Variants in TIMP2 observed in about 807,000 individuals in gnomAD.
TIMP2 encodes the protein TIMP metallopeptidase inhibitor 2, also known as metalloproteinase inhibitor 2.
Under a neutral mutation model 24.3 loss-of-function variants are expected in TIMP2, and 5 were observed. That is an observed-to-expected ratio of 0.21 (90% confidence interval 0.11 to 0.43). The LOEUF (loss-of-function observed/expected upper bound fraction) is 0.43. Ranked by LOEUF, TIMP2 falls within the 20% of genes least tolerant of loss-of-function variation. The pLI is 1.00. For missense variants in TIMP2, 221 were observed against 297.5 expected, an observed-to-expected ratio of 0.74 and a Z score of 1.89; for synonymous variants, 130 against 123.2, an observed-to-expected ratio of 1.06 and a Z score of -0.37.
chr17:78,856,194 T>G lies in TIMP2; in HGVS notation c.466-330A>C, dbSNP rs2069523702. 1.2e-5 allele frequency: 4 copies of G among 345,252 alleles called. No individual in the cohort carries two copies. The South Asian group carries it at 1.4e-4, about 12-fold the overall frequency. The allele number at this position is 345,252 out of a possible 1,614,324, so 21.4% of individuals were successfully genotyped here. ...GGGACACAGCAACAATAAAAGGGCCTGGGTTTCCTGGAGACAGATTCCAGC... is the reference window on the plus strand; with the variant it reads ...GGGACACAGCAACAATAAAAGGGCCGGGGTTTCCTGGAGACAGATTCCAGC... On this transcript the variant is annotated intron_variant, in intron 4 of 4. Coordinates refer to ENST00000262768, the MANE Select transcript of TIMP2 (RefSeq NM_003255.5).
intron 1 of TIMP2, among the ~76,000 whole-genome samples, chr17:78,893,068 G>T (rs933224317): frequency 6.6e-6 from 1 of 151,610 alleles, no homozygotes; most frequent in East Asian, 1.9e-4. Context: ...TGTGTGTGCA[G>T]GAGTGTGTGC....
At chr17:78,866,923 T>C (rs1287941712) in intron 3 of TIMP2, among the ~76,000 whole-genome samples, 3 of 152,054 alleles carry the variant, frequency 2.0e-5, no homozygotes, top group African/African-American at 7.2e-5. Context: ...AGGATTTCTT[T>C]TTGACTGTAG....
intron 3 of TIMP2, among the ~76,000 whole-genome samples, chr17:78,868,933 T>C (rs896832120): frequency 6.6e-6 from 1 of 152,076 alleles, no homozygotes; most frequent in Non-Finnish European, 1.5e-5. Context: ...CTGTGGCATG[T>C]AGAGGGTGGG....
chr17:78,864,029 C>T (rs1326081938), intron 3 of TIMP2, among the ~76,000 whole-genome samples: 2 of 152,164 alleles, frequency 1.3e-5, no homozygotes, highest in African/African-American at 4.8e-5. Flanking sequence ...AGCCTTCACT[C>T]GGGCATCTCA....
intron 1 of TIMP2, among the ~76,000 whole-genome samples, chr17:78,917,251 C>CAAAAAAAAAA (rs10592875): frequency 1.4e-4 from 11 of 77,422 alleles, no homozygotes; most frequent in Non-Finnish European, 2.1e-4. Context: ...GACTCCGTCT[C>CAAAAAAAAAA]AAAAAAAAAA....
intron 3 of TIMP2, among the ~76,000 whole-genome samples, chr17:78,867,845 C>G (rs527935616): frequency 8.6e-4 from 130 of 152,032 alleles, no homozygotes; most frequent in African/African-American, 3.1e-3. Context: ...ATGATCTGCC[C>G]GTCTCGGCCT....
chr17:78,858,367 C>T (rs537943279), intron 3 of TIMP2, among the ~76,000 whole-genome samples: 43 of 151,978 alleles, frequency 2.8e-4, no homozygotes, highest in Non-Finnish European at 5.3e-4. Flanking sequence ...GGCGTGAACC[C>T]GGGAGGCGGA....
At chr17:78,888,224 A>G (rs1478208322) in intron 1 of TIMP2, among the ~76,000 whole-genome samples, 1 of 149,478 alleles carries the variant, frequency 6.7e-6, no homozygotes, top group Admixed American at 6.7e-5. Context: ...CAGTGGCGCA[A>G]TCTTGGCTCA....
intron 1 of TIMP2, among the ~76,000 whole-genome samples, chr17:78,887,738 A>G (rs1428972735): frequency 1.3e-4 from 12 of 90,822 alleles, no homozygotes; most frequent in African/African-American, 9.7e-4. Flanking sequence ...TTTCTGGGGA[A>G]AAAAAAAAAA....
intron 1 of TIMP2, among the ~76,000 whole-genome samples, chr17:78,882,394 T>G (rs114253899): frequency 0.017 from 2,534 of 152,324 alleles, 75 homozygotes; most frequent in African/African-American, 0.058. Context: ...CCACTTCTGG[T>G]GTCTACACCC....
rs78976834 is a variant in TIMP2 at position 78,885,164 on chromosome 17, C to G, written c.131-11245G>C. On this transcript the variant is annotated intron_variant, in intron 1 of 4. Coordinates refer to ENST00000262768, the MANE Select transcript of TIMP2 (RefSeq NM_003255.5). ...CCACTGCTCAGCCACGGAGGCCTTC[C>G]TGGGTCCCTGTGGTTTGGGGAGAAG... 2.1e-3 allele frequency among the ~76,000 whole-genome samples: 316 copies of G among 152,356 alleles called. 6 individuals are homozygous for G. In the East Asian group the frequency reaches 0.051, roughly 25 times the overall value.
At chr17:78,900,147 GA>G (rs1199915982) in intron 1 of TIMP2, 1 of 152,238 alleles carries the variant, frequency 6.6e-6, no homozygotes, top group East Asian at 1.9e-4. Context: ...AGTGACCCCA[GA>G]ATGCAATTTG....
At chr17:78,867,474 C>T (rs1187437455) in intron 3 of TIMP2, among the ~76,000 whole-genome samples, 1 of 152,100 alleles carries the variant, frequency 6.6e-6, no homozygotes, top group Middle Eastern at 3.2e-3. Context: ...ACTCACAGCC[C>T]TGCATCTTCC....
At chr17:78,890,139 G>A (rs1247438013) in intron 1 of TIMP2, among the ~76,000 whole-genome samples, 2 of 151,858 alleles carry the variant, frequency 1.3e-5, no homozygotes, top group African/African-American at 4.8e-5. Context: ...ATCAATAAAG[G>A]CAAGATTAGG....
At chr17:78,914,503 G>C (rs926793675) in intron 1 of TIMP2, among the ~76,000 whole-genome samples, 7 of 151,114 alleles carry the variant, frequency 4.6e-5, no homozygotes. Flanking sequence ...GGCTGGTCTC[G>C]AACTCCTGAC....
intron 1 of TIMP2, among the ~76,000 whole-genome samples, chr17:78,884,159 G>T (rs1187609209): frequency 2.0e-5 from 3 of 152,178 alleles, no homozygotes; most frequent in Non-Finnish European, 4.4e-5. Flanking sequence ...AGCCTGGAGA[G>T]GCACCGAGGA....
At chr17:78,856,995 C>CA (rs1555647839) in intron 4 of TIMP2, 1 of 149,200 alleles carries the variant, frequency 6.7e-6, no homozygotes, top group Non-Finnish European at 1.5e-5. Flanking sequence ...ACATCTCCCT[C>CA]TTTTTTTTTT....
intron 1 of TIMP2, chr17:78,901,943 C>G (rs1034199799): frequency 6.6e-6 from 4 of 602,850 alleles, no homozygotes; most frequent in Admixed American, 6.0e-5. Flanking sequence ...GCATCCGAAC[C>G]AAGCCCAGAT....
At chr17:78,873,278 G>A (rs1290035295) in intron 2 of TIMP2, among the ~76,000 whole-genome samples, 1 of 146,302 alleles carries the variant, frequency 6.8e-6, no homozygotes, top group Non-Finnish European at 1.5e-5. Flanking sequence ...GCCAGGCCCT[G>A]CCCTCCCTGC....
Sources: gnomAD v4.1 joint callset for allele counts (sites outside exome capture counted in the v4.1 genomes callset) on GRCh38, gnomAD v4.1.1 for gene constraint, MANE v1.5 for transcripts, NCBI Gene and HGNC (gene_info 2026-07-23, HGNC 2026-07-21) for gene names.